FNIP2: variants seen among roughly 807,000 people sequenced by gnomAD.
The protein encoded by FNIP2 is folliculin-interacting protein 2.
In FNIP2, 32 loss-of-function variants were observed where a neutral mutation model predicts 108.7. The ratio of observed to expected loss-of-function variants is 0.29; its 90% CI spans 0.22 to 0.40. The LOEUF is 0.40. FNIP2 is among the 10% of genes least tolerant of loss of function. FNIP2 has a pLI of 1.00. For missense variants in FNIP2, 1,202 were observed against 1,381.6 expected (o/e 0.87, Z 2.06); for synonymous variants, 480 against 496.7 (o/e 0.97, Z 0.45).
intron 14 of FNIP2, chr4:158,872,350 CT>C (rs1780999769): frequency 2.3e-5 from 23 of 985,220 alleles, no homozygotes; most frequent in Non-Finnish European, 2.7e-5. Context: ...CTCTATAATT[CT>C]TTTATTTGAA....
intron 1 of FNIP2, among the ~76,000 whole-genome samples, chr4:158,821,711 G>C (rs912691500): frequency 2.6e-5 from 4 of 152,174 alleles, no homozygotes; most frequent in Non-Finnish European, 5.9e-5. Context: ...GTGGGAAGCA[G>C]AGCTGAGATT....
intron 15 of FNIP2, among the ~76,000 whole-genome samples, chr4:158,895,223 G>A (rs1241150715): frequency 6.6e-6 from 1 of 152,170 alleles, no homozygotes. Context: ...AGTTGTGGGG[G>A]AGGTTCAAAA....
At chr4:158,873,493 G>A (rs369603592) in intron 14 of FNIP2, among the ~76,000 whole-genome samples, 1 of 152,136 alleles carries the variant, frequency 6.6e-6, no homozygotes, top group Non-Finnish European at 1.5e-5. Flanking sequence ...ATAGGCACAG[G>A]CCACTGTACC....
chr4:158,830,248 C>CTTTT (rs35746599), intron 3 of FNIP2, among the ~76,000 whole-genome samples: 363 of 63,918 alleles, frequency 5.7e-3, no homozygotes, highest in Middle Eastern at 0.014. Context: ...ATTTATCTTT[C>CTTTT]TTTTTTTTTT....
chr4:158,872,433 A>G (rs1371711227), intron 14 of FNIP2: 10 of 985,274 alleles, frequency 1.0e-5, no homozygotes, highest in Non-Finnish European at 9.6e-6. Flanking sequence ...TCCTTTTAGA[A>G]GGAGTGTTTT....
chr4:158,873,390 GT>G, intron 14 of FNIP2, among the ~76,000 whole-genome samples: 1 of 151,308 alleles, frequency 6.6e-6, no homozygotes, highest in Non-Finnish European at 1.5e-5. Context: ...TTTTGTTTTT[GT>G]TTTTTTTGAG....
chr4:158,861,411 C>A lies in FNIP2; in HGVS notation c.1218C>A (p.Gly406=). 1.2e-6 allele frequency: 2 copies of A among 1,614,004 alleles called. No individual in the cohort carries two copies. The highest frequency in any genetic ancestry group is 1.1e-5 in the South Asian group (1 of 91,080). ...CTGTATGGCTTACTATGATGTCCGG[C>A]ACTTTGGAAAAAAACCAGCTCTGCC... is the stretch of plus-strand genomic sequence containing the variant. ...AEPVWLTMMS[G]TLEKNQLCQR... Residue 406 remains glycine (G), a synonymous_variant, in exon 11 of 17, where the codon GGC becomes GGA. Coordinates refer to ENST00000264433, the MANE Select transcript of FNIP2 (RefSeq NM_020840.3).
At chr4:158,883,272 G>C (rs559176666) in intron 14 of FNIP2, among the ~76,000 whole-genome samples, 10 of 151,848 alleles carry the variant, frequency 6.6e-5, no homozygotes, top group Non-Finnish European at 1.3e-4. Context: ...GACGGAGTCT[G>C]GCTCTGTCGT....
chr4:158,858,084 A>G (rs1053451326), intron 8 of FNIP2, among the ~76,000 whole-genome samples: 2 of 152,238 alleles, frequency 1.3e-5, no homozygotes, highest in Non-Finnish European at 2.9e-5. Flanking sequence ...GTTGAAGACC[A>G]GGGGGCAGAA....
intron 10 of FNIP2, among the ~76,000 whole-genome samples, chr4:158,860,284 A>G (rs1780206134): frequency 6.6e-6 from 1 of 152,222 alleles, no homozygotes; most frequent in South Asian, 2.1e-4. Flanking sequence ...TCATGAGCGA[A>G]TGAGTCAAAC....
chr4:158,861,282 A>G, intron 10 of FNIP2, 60 bp from the exon 11 acceptor site: 1 of 1,535,678 alleles, frequency 6.5e-7, no homozygotes, highest in Non-Finnish European at 8.8e-7. Flanking sequence ...CTTTTACACC[A>G]AGATTATCCA....
In FNIP2 at chr4:158,883,442, C is replaced by G. The variant is rs546114334; in HGVS notation, c.2950-8004C>G. 9.2e-5 allele frequency among the ~76,000 whole-genome samples: 14 copies of G among 152,186 alleles called. 1 individual carries two copies. In the South Asian group the frequency reaches 1.9e-3, roughly 20 times the overall value. ...ATTTTTAGTAGAGACGGGGTTTCAC[C>G]GTGTTAGCCAGGATGGTCTCGATCT... On this transcript the variant is annotated intron_variant, in intron 14 of 16. Transcript: ENST00000264433.
chr4:158,813,395 T>C (rs1190345841), intron 1 of FNIP2, among the ~76,000 whole-genome samples: 1 of 152,220 alleles, frequency 6.6e-6, no homozygotes, highest in African/African-American at 2.4e-5. Flanking sequence ...CATGTAGTAG[T>C]ATCTCTTGTT....
chr4:158,813,063 G>A (rs1418796222), intron 1 of FNIP2, among the ~76,000 whole-genome samples: 1 of 151,988 alleles, frequency 6.6e-6, no homozygotes, highest in Non-Finnish European at 1.5e-5. Flanking sequence ...TTCGTAGCAT[G>A]GTAGTTCATT....
At chr4:158,829,011 A>C (rs975962306) in intron 2 of FNIP2, 68 bp from the exon 3 acceptor site, 1 of 1,293,252 alleles carries the variant, frequency 7.7e-7, no homozygotes, top group Non-Finnish European at 1.0e-6. Context: ...AGGAATTCCC[A>C]ATGAAGAACT....
At chr4:158,779,592 A>C (rs1215290124) in intron 1 of FNIP2, among the ~76,000 whole-genome samples, 6 of 134,248 alleles carry the variant, frequency 4.5e-5, no homozygotes. Flanking sequence ...TTTTTTTGAG[A>C]TAGAGTCTCA....
Position 158,870,338 on chromosome 4 carries a change from G to T in FNIP2, c.2818G>T (p.Val940Leu). 2 of 1,613,982 alleles carry T rather than the reference G, an allele frequency of 1.2e-6. No individual in the cohort carries two copies. Among genetic ancestry groups the T allele is most frequent in the Non-Finnish European group, 8.5e-7 (1 of 1,179,826 alleles). ...PRSQSISTQN[V>L]RNFGRSLLAG... is the part of the protein sequence containing the mutation. ...GTCTCAGAGCATCAGCACCCAGAAT[G>T]TAAGGAACTTTGGCCGCTCACTTCT... The change falls in exon 14 of 17, where the codon GTA (valine) becomes TTA (leucine). Residue 940 changes from valine to leucine, a missense_variant. This residue lies in a region of FNIP2 where 878 missense variants were observed against 990.3 expected (regional missense o/e 0.89). Transcript: ENST00000264433.
At chr4:158,806,477 G>T in intron 1 of FNIP2, 2 of 1,165,742 alleles carry the variant, frequency 1.7e-6, no homozygotes, top group Non-Finnish European at 2.3e-6. Context: ...TTAATTTACT[G>T]TGTAGTAAGG....
At chr4:158,833,833 C>T in intron 6 of FNIP2, 1 of 1,504,410 alleles carries the variant, frequency 6.6e-7, no homozygotes, top group African/African-American at 1.4e-5. Flanking sequence ...CAAACTGCTG[C>T]AGGGGGTAGC....
Sources: allele counts gnomAD v4.1 joint callset (sites outside exome capture counted in the v4.1 genomes callset), GRCh38; gene constraint gnomAD v4.1.1; regional missense constraint gnomAD v4.1.1; transcripts MANE v1.5; gene names NCBI Gene and HGNC (gene_info 2026-07-23, HGNC 2026-07-21).